STARD13: variants seen among roughly 807,000 people sequenced by gnomAD.
STARD13 encodes StAR related lipid transfer domain containing 13.
A neutral mutation model predicts 106.4 loss-of-function variants in STARD13; 62 were observed. The observed-to-expected ratio is 0.58, with a 90% CI of 0.48 to 0.72. STARD13 has a LOEUF of 0.72. Ranked by LOEUF, STARD13 falls within the 30% of genes least tolerant of loss-of-function variation. The pLI is 0.00. For missense variants in STARD13, 1,387 were observed against 1,424.0 expected (o/e 0.97, Z 0.42); for synonymous variants, 565 against 553.0 (o/e 1.02, Z -0.31).
At chr13:33,350,219 CG>C in intron 1 of STARD13, 1 of 1,446,456 alleles carries the variant, frequency 6.9e-7, no homozygotes, top group Non-Finnish European at 9.0e-7. Context: ...AGGAGGGCGG[CG>C]GGCCCGGGCG....
At chr13:33,650,345 T>C in the STARD13 span, among the ~76,000 whole-genome samples, 34 of 149,800 alleles carry the variant, frequency 2.3e-4, no homozygotes, top group African/African-American at 4.9e-4. Context: ...CGCCCGCCAC[T>C]ACGCCCGGCT....
chr13:33,268,402 T>G (rs1011457894), intron 1 of STARD13, among the ~76,000 whole-genome samples: 1 of 152,198 alleles, frequency 6.6e-6, no homozygotes, highest in Non-Finnish European at 1.5e-5. Context: ...GAACTGGCCG[T>G]GTTGCTGATG....
intron 4 of STARD13, chr13:33,138,534 A>T (rs1233193534): frequency 6.3e-6 from 1 of 157,836 alleles, no homozygotes; most frequent in African/African-American, 2.4e-5. Flanking sequence ...GAATTTGGCC[A>T]TATCTTTACA....
chr13:33,521,427 C>T, the STARD13 span, among the ~76,000 whole-genome samples: 1 of 151,954 alleles, frequency 6.6e-6, no homozygotes, highest in African/African-American at 2.4e-5. Context: ...AGAAGTTGTT[C>T]TCTAGAATAG....
Position 33,107,238 on chromosome 13 carries a change from TTTTACAG to T in STARD13, c.3048-311_3048-305del, listed in dbSNP as rs375057716. 4.5e-3 allele frequency among the ~76,000 whole-genome samples: 680 copies of T among 152,214 alleles called. 6 individuals are homozygous for T. Among genetic ancestry groups the T allele is most frequent in the African/African-American group, 0.016 (649 of 41,512 alleles). On this transcript the variant is annotated intron_variant, in intron 12 of 13. Transcript: ENST00000336934. ...CTCCTGCCCATTCTCGAAGAGGTGGTTTTACAGTTTATTATTAGAACTCACTCATTCG... is the reference window on the plus strand; with the variant it reads ...CTCCTGCCCATTCTCGAAGAGGTGGTTTTATTATTAGAACTCACTCATTCG...
exon 2 of STARD13, chr13:33,348,948 G>A: frequency 1.7e-6 from 1 of 575,566 alleles, no homozygotes; most frequent in South Asian, 2.1e-5. Context: ...GCTTGCTAGT[G>A]ACCTTCTCTC....
the STARD13 span, among the ~76,000 whole-genome samples, chr13:33,430,242 AGTAATTTGTTT>A: frequency 6.6e-6 from 1 of 152,166 alleles, no homozygotes; most frequent in Non-Finnish European, 1.5e-5. Flanking sequence ...AAAAATGAAA[AGTAATTTGTTT>A]GTAACTCAAA....
At chr13:33,321,067 A>G (rs879279949) in intron 1 of STARD13, among the ~76,000 whole-genome samples, 1 of 152,226 alleles carries the variant, frequency 6.6e-6, no homozygotes, top group Non-Finnish European at 1.5e-5. Context: ...CATTGAATGT[A>G]TTGTATTTGC....
chr13:33,291,892 C>G (rs556243442), intron 1 of STARD13, among the ~76,000 whole-genome samples: 1 of 152,224 alleles, frequency 6.6e-6, no homozygotes, highest in African/African-American at 2.4e-5. Flanking sequence ...TGACTGTTCT[C>G]TATTCTTTAC....
At chr13:33,289,888 C>A (rs764173106), upstream of STARD13, among the ~76,000 whole-genome samples, 1 of 136,674 alleles carries the variant, frequency 7.3e-6, no homozygotes, top group Non-Finnish European at 1.6e-5. Context: ...CTCAGCTTGA[C>A]CCTCTTTGCC....
At chr13:33,153,411 A>G (rs551648557) in intron 3 of STARD13, among the ~76,000 whole-genome samples, 1 of 152,250 alleles carries the variant, frequency 6.6e-6, no homozygotes, top group East Asian at 1.9e-4. Context: ...GCCTGGGAGG[A>G]TGGCCAGGAG....
chr13:33,625,375 T>C, the STARD13 span, among the ~76,000 whole-genome samples: 1 of 151,834 alleles, frequency 6.6e-6, no homozygotes, highest in Non-Finnish European at 1.5e-5. Flanking sequence ...ATTGAGACCA[T>C]CCTGGCCAAC....
At chr13:33,356,588 T>C in the STARD13 span, among the ~76,000 whole-genome samples, 1 of 152,220 alleles carries the variant, frequency 6.6e-6, no homozygotes, top group Admixed American at 6.5e-5. Flanking sequence ...TCAGCATCTA[T>C]AAAATGGGGA....
At chr13:33,487,496 T>C in the STARD13 span, among the ~76,000 whole-genome samples, 1 of 152,096 alleles carries the variant, frequency 6.6e-6, no homozygotes, top group Non-Finnish European at 1.5e-5. Context: ...AGGGGGAAAG[T>C]TCAGAATGTG....
At chr13:33,500,222 T>C in the STARD13 span, among the ~76,000 whole-genome samples, 1 of 152,116 alleles carries the variant, frequency 6.6e-6, no homozygotes, top group Admixed American at 6.6e-5. Flanking sequence ...AACAATGGAT[T>C]GAGAAAAATT....
At chr13:33,542,194 C>A in the STARD13 span, among the ~76,000 whole-genome samples, 15 of 152,134 alleles carry the variant, frequency 9.9e-5, no homozygotes, top group Non-Finnish European at 2.1e-4. Flanking sequence ...TGTGACACCC[C>A]TACCTTCTCA....
chr13:33,666,651 C>T, the STARD13 span, among the ~76,000 whole-genome samples: 6 of 151,834 alleles, frequency 4.0e-5, no homozygotes, highest in Admixed American at 1.3e-4. Flanking sequence ...GGTGCAGTGG[C>T]GCGATCTCGA....
chr13:33,295,451 T>C (rs975698336), intron 1 of STARD13, among the ~76,000 whole-genome samples: 1 of 152,130 alleles, frequency 6.6e-6, no homozygotes, highest in Non-Finnish European at 1.5e-5. Context: ...ATAAAAAGAT[T>C]TTTTTCTGAC....
chr13:33,346,030 A>G (rs1411468095), downstream of STARD13, among the ~76,000 whole-genome samples: 5 of 152,144 alleles, frequency 3.3e-5, no homozygotes, highest in East Asian at 9.6e-4. Flanking sequence ...CTCCCACATG[A>G]TATGTCACTT....
Sources: allele counts gnomAD v4.1 joint callset (sites outside exome capture counted in the v4.1 genomes callset), GRCh38; gene constraint gnomAD v4.1.1; transcripts MANE v1.5; gene names NCBI Gene and HGNC (gene_info 2026-07-23, HGNC 2026-07-21).